ITGAE: variants seen among roughly 807,000 people sequenced by gnomAD.
The protein encoded by ITGAE is integrin subunit alpha E, also known as integrin alpha-E.
ITGAE carries 99 observed loss-of-function variants against 136.5 expected under a neutral mutation model. The observed-to-expected ratio is 0.73, with a 90% CI of 0.62 to 0.86. The LOEUF (loss-of-function observed/expected upper bound fraction) is 0.86. Ranked by LOEUF, ITGAE falls within the 40% of genes least tolerant of loss-of-function variation. ITGAE has a pLI of 0.00. For missense variants in ITGAE, 1,447 were observed against 1,515.3 expected, an observed-to-expected ratio of 0.95 and a Z score of 0.75; for synonymous variants, 613 against 591.8, an observed-to-expected ratio of 1.04 and a Z score of -0.52.
At chr17:3,749,397 C>T (rs1049788662) in intron 16 of ITGAE, among the ~76,000 whole-genome samples, 3 of 152,172 alleles carry the variant, frequency 2.0e-5, no homozygotes, top group South Asian at 4.2e-4. Context: ...GGACTATAGG[C>T]GCCCGCCACC....
chr17:3,792,884 G>A (rs1238292148), intron 1 of ITGAE, among the ~76,000 whole-genome samples: 2 of 152,108 alleles, frequency 1.3e-5, no homozygotes, highest in South Asian at 4.1e-4. Context: ...AGAAAAAACT[G>A]TCCCTAAGGG....
Position 3,725,178 on chromosome 17 carries a change from T to G in ITGAE, c.3085-1434A>C, listed in dbSNP as rs138520880. Reference sequence around the variant, plus strand: ...TACCACTGCCACTTCTCTCTCTGGATCCCTCCTATCAGAATGTTCAAACCG... The same window carrying G: ...TACCACTGCCACTTCTCTCTCTGGAGCCCTCCTATCAGAATGTTCAAACCG... On this transcript the variant is annotated intron_variant, in intron 26 of 30. Coordinates refer to ENST00000263087, the MANE Select transcript of ITGAE (RefSeq NM_002208.5). The G allele has an allele frequency of 4.3e-6, 7 of 1,614,170 alleles. No homozygotes were observed. In the East Asian group the frequency reaches 1.6e-4, roughly 36 times the overall value.
chr17:3,748,535 C>T (rs372458924), intron 16 of ITGAE, among the ~76,000 whole-genome samples: 1 of 152,058 alleles, frequency 6.6e-6, no homozygotes, highest in Non-Finnish European at 1.5e-5. Context: ...TGCAGTGAGC[C>T]GACATCCTGC....
chr17:3,723,271 A>C lies in ITGAE; in HGVS notation c.3237+17T>G, dbSNP rs2051096655. The C allele has an allele frequency of 2.0e-6, 3 of 1,537,786 alleles. No individual in the cohort carries two copies. The African/African-American group carries it at 4.1e-5, about 21-fold the overall frequency. On this transcript the variant is annotated intron_variant, in intron 28 of 30. Transcript: ENST00000263087. Reference sequence around the variant, plus strand: ...GCAACTGGATAATCAAATCTGGAGCATTTCAGTCTCAAACACCTCCTCAGA... The same window carrying C: ...GCAACTGGATAATCAAATCTGGAGCCTTTCAGTCTCAAACACCTCCTCAGA...
At chr17:3,757,570 G>A (rs170213) in intron 9 of ITGAE, 136 bp downstream of exon 9, 618,950 of 945,430 alleles carry the variant, frequency 0.65, 211,546 homozygotes, top group African/African-American at 0.74. Context: ...ACAGAGCATG[G>A]AGAGAAGAGG....
intron 8 of ITGAE, among the ~76,000 whole-genome samples, chr17:3,758,191 C>T (rs1226196457): frequency 6.6e-6 from 1 of 152,198 alleles, no homozygotes; most frequent in Non-Finnish European, 1.5e-5. Context: ...CTGTTGTAAA[C>T]ACTGTATATT....
At chr17:3,797,158 T>TATATATATATATATA (rs1491339983) in intron 1 of ITGAE, among the ~76,000 whole-genome samples, 4 of 4,370 alleles carry the variant, frequency 9.2e-4, no homozygotes, top group African/African-American at 2.1e-3. Flanking sequence ...TATATATATA[T>TATATATATATATATA]TTTTTTTTTT....
chr17:3,733,710 T>C (rs958194293), intron 21 of ITGAE, among the ~76,000 whole-genome samples: 10 of 152,158 alleles, frequency 6.6e-5, no homozygotes, highest in Non-Finnish European at 5.9e-5. Context: ...CATGGGCCAC[T>C]GCACCCATCC....
chr17:3,757,927 T>A, intron 8 of ITGAE, 68 bp from the exon 9 acceptor site: 4 of 1,543,700 alleles, frequency 2.6e-6, no homozygotes, highest in Non-Finnish European at 3.6e-6. Flanking sequence ...AGGAGAGACT[T>A]TATTCTCTGA....
chr17:3,739,724 G>C lies in ITGAE; in HGVS notation c.2522+81C>G, dbSNP rs554322606. ...CGGGGAGAGGGGAAGGGGATGTGCA[G>C]GGTGTCCTAATGAAGGAATTGCCCA... On this transcript the variant is annotated intron_variant, in intron 20 of 30. Transcript: ENST00000263087. 5.8e-5 allele frequency: 67 copies of C among 1,154,996 alleles called. No individual in the cohort carries two copies. The East Asian group carries it at 1.5e-3, about 27-fold the overall frequency. The allele number at this position is 1,154,996 out of a possible 1,614,324, so 71.5% of individuals were successfully genotyped here. A position where few individuals can be genotyped will look rare whatever the true frequency, so the allele number is the denominator to read the frequency against.
chr17:3,729,723 T>C, intron 23 of ITGAE, 168 bp from the exon 24 acceptor site: 1 of 578,566 alleles, frequency 1.7e-6, no homozygotes, highest in Non-Finnish European at 3.2e-6. Context: ...GCCTCCTGAG[T>C]AGCTGGAATT....
chr17:3,725,232 C>G, intron 26 of ITGAE: 1 of 1,614,158 alleles, frequency 6.2e-7, no homozygotes, highest in Non-Finnish European at 8.5e-7. Flanking sequence ...AAGTGGTGCT[C>G]CGTCCTCTTG....
At chr17:3,793,743 T>G (rs565510837) in intron 1 of ITGAE, among the ~76,000 whole-genome samples, 12 of 152,210 alleles carry the variant, frequency 7.9e-5, no homozygotes, top group African/African-American at 2.9e-4. Flanking sequence ...GAGATGTGGT[T>G]TCACCGTGTT....
chr17:3,769,548 C>T (rs745401736), intron 2 of ITGAE, among the ~76,000 whole-genome samples: 5 of 152,238 alleles, frequency 3.3e-5, no homozygotes, highest in Non-Finnish European at 7.3e-5. Context: ...GGCTGACAAA[C>T]CATTGACCCA....
chr17:3,729,389 T>C lies in ITGAE; in HGVS notation c.2912+89A>G, dbSNP rs973662108. ...AGAAGGACAGTGTCCACATTCATCC[T>C]GACCACCAGCTCCATCTACGAGAGA... On this transcript the variant is annotated intron_variant, in intron 24 of 30. Transcript: ENST00000263087. 6.0e-6 allele frequency: 5 copies of C among 840,180 alleles called. No individual in the cohort carries two copies. In the African/African-American group the frequency reaches 8.3e-5, roughly 14 times the overall value. 52.0% of individuals were successfully genotyped at this position (840,180 alleles called of 1,614,324 possible). A position where few individuals can be genotyped will look rare whatever the true frequency, so the allele number is the denominator to read the frequency against.
Position 3,729,509 on chromosome 17 carries a change from AT to A in ITGAE, c.2880del (p.Gln960HisfsTer15). 2 of 1,612,348 alleles carry A rather than the reference AT, an allele frequency of 1.2e-6. No individual in the cohort carries two copies. The highest frequency in any genetic ancestry group is 1.7e-6 in the Non-Finnish European group (2 of 1,178,328). The part of the protein sequence containing the change: ...RSLANETHTL[Q>X]FRHGFVAVLS... The stretch of plus-strand genomic sequence containing the variant: ...AGAACTGCAACGAAGCCATGCCTGA[AT>A]TGAAGGGTGTGGGTCTCGTTGGCCA... On this transcript the variant is annotated frameshift_variant, in exon 24 of 31. Transcript: ENST00000263087. LOFTEE classifies it high-confidence loss of function.
Position 3,799,967 on chromosome 17 carries a change from A to G in ITGAE, c.34+1144T>C, listed in dbSNP as rs1052947710. Among the ~76,000 whole-genome samples, 2 of 151,988 alleles carry G rather than the reference A, an allele frequency of 1.3e-5. No homozygotes were observed. Among genetic ancestry groups the G allele is most frequent in the African/African-American group, 4.8e-5 (2 of 41,368 alleles). On this transcript the variant is annotated intron_variant, in intron 1 of 30. Transcript: ENST00000263087. This position sits in a 1 kb window ranked among gnomAD's most constrained non-coding sequence, Gnocchi z 4.1. Reference sequence around the variant, plus strand: ...GACCCTGTCTCTACTAAAAATACAAAAATTAGCCAGGCGTGGTGGCAGGCG... The same window carrying G: ...GACCCTGTCTCTACTAAAAATACAAGAATTAGCCAGGCGTGGTGGCAGGCG...
intron 18 of ITGAE, among the ~76,000 whole-genome samples, chr17:3,744,593 T>C (rs1321617598): frequency 3.9e-5 from 6 of 151,992 alleles, no homozygotes; most frequent in Admixed American, 3.9e-4. Context: ...TACAGGTGCA[T>C]GCCACCACGC....
chr17:3,747,301 AT>A (rs1402255098), intron 17 of ITGAE, among the ~76,000 whole-genome samples: 1 of 151,398 alleles, frequency 6.6e-6, no homozygotes, highest in Admixed American at 6.6e-5. Flanking sequence ...GCATGGAGAA[AT>A]GGCTGCCTTT....
Sources: allele counts gnomAD v4.1 joint callset (sites outside exome capture counted in the v4.1 genomes callset), GRCh38; gene constraint gnomAD v4.1.1; non-coding constraint Gnocchi (gnomAD v3.1); transcripts MANE v1.5; gene names NCBI Gene and HGNC (gene_info 2026-07-23, HGNC 2026-07-21).